RELB: variants seen among roughly 807,000 people sequenced by gnomAD.
The protein encoded by RELB is transcription factor RelB.
RELB carries 14 observed loss-of-function variants against 55.4 expected under a neutral mutation model. The observed-to-expected ratio is 0.25, with a 90% CI of 0.17 to 0.40. The LOEUF is 0.40. RELB is among the 10% of genes least tolerant of loss of function. The pLI is 1.00. For synonymous variants in RELB, 409 were observed against 371.3 expected (o/e 1.10, Z -1.17); for missense variants, 669 against 830.7 (o/e 0.81, Z 2.39).
At chr19:45,007,718 C>G (rs1971298910) in intron 2 of RELB, among the ~76,000 whole-genome samples, 1 of 151,758 alleles carries the variant, frequency 6.6e-6, no homozygotes, top group African/African-American at 2.4e-5. Flanking sequence ...ATTAGCCGGG[C>G]ATGGTGGTAC....
Position 45,037,667 on chromosome 19 carries a change from C to T in RELB, c.1617C>T (p.Tyr539=), listed in dbSNP as rs201705805. Residue 539 remains tyrosine (Y), a synonymous_variant, in exon 12 of 12, where the codon TAC becomes TAT. Coordinates refer to ENST00000221452, the MANE Select transcript of RELB (RefSeq NM_006509.4). ...CTGAACCACTGACACTGGACTCGTA[C>T]CAGGCCCCGGGCCCCGGGGATGGAG... The part of the protein sequence containing the change: ...PGPEPLTLDS[Y]QAPGPGDGGT... The T allele has an allele frequency of 2.5e-6, 4 of 1,578,726 alleles. No homozygotes were observed. The East Asian group carries it at 9.7e-5, about 38-fold the overall frequency.
rs1320079972 is a variant in RELB at position 45,001,733 on chromosome 19, A to G, written c.106+48A>G. Reference sequence around the variant, plus strand: ...AGAGGGGTCTGGGGCGGGGCTGGAGATGCGGGGATTCTGGCGGTCCCGGAG... The same window carrying G: ...AGAGGGGTCTGGGGCGGGGCTGGAGGTGCGGGGATTCTGGCGGTCCCGGAG... On this transcript the variant is annotated intron_variant, in intron 1 of 11. Transcript: ENST00000221452. 3.9e-6 allele frequency: 5 copies of G among 1,273,746 alleles called. No individual in the cohort carries two copies. In the South Asian group the frequency reaches 5.4e-5, roughly 14 times the overall value. 78.9% of individuals were successfully genotyped at this position (1,273,746 alleles called of 1,614,324 possible).
At chr19:45,032,504 G>C (rs778790281) in intron 8 of RELB, 30 bp from the exon 9 acceptor site, 6 of 1,571,284 alleles carry the variant, frequency 3.8e-6, no homozygotes, top group Non-Finnish European at 5.2e-6. Context: ...AGATGTCCTG[G>C]CTTAGCTGAT....
chr19:45,004,650 C>T (rs900543116), intron 2 of RELB, among the ~76,000 whole-genome samples: 1 of 150,840 alleles, frequency 6.6e-6, no homozygotes, highest in African/African-American at 2.4e-5. Context: ...GGCTCATCAC[C>T]TGAGGTCGGG....
intron 8 of RELB, among the ~76,000 whole-genome samples, chr19:45,029,220 T>C (rs1472947935): frequency 1.3e-5 from 2 of 152,180 alleles, no homozygotes; most frequent in African/African-American, 2.4e-5. Flanking sequence ...TCGTCTGTGG[T>C]GACCCATGCT....
At chr19:45,003,509 G>T (rs548470643) in intron 2 of RELB, 14 of 473,662 alleles carry the variant, frequency 3.0e-5, no homozygotes, top group South Asian at 2.1e-4. Flanking sequence ...AGCGTGACAG[G>T]TAAATCTTAC....
intron 2 of RELB, among the ~76,000 whole-genome samples, chr19:45,009,231 C>T (rs1272873995): frequency 1.3e-5 from 2 of 152,164 alleles, no homozygotes; most frequent in Non-Finnish European, 2.9e-5. Flanking sequence ...CAGGTGCCCA[C>T]CACGATACCC....
rs1275788865 is a variant in RELB, at chr19:45,034,481, A to G, written c.1307A>G (p.Lys436Arg). 3 of 1,611,258 alleles carry G rather than the reference A, an allele frequency of 1.9e-6. No individual in the cohort carries two copies. ...CATGGCATCGAGAGCAAACGGCGGAAGAAAAAGCCGGCCATCCTGGACCAC... is the reference window on the plus strand; with the variant it reads ...CATGGCATCGAGAGCAAACGGCGGAGGAAAAAGCCGGCCATCCTGGACCAC... ...DPHGIESKRR[K>R]KKPAILDHFL... Residue 436 changes from lysine to arginine, a missense_variant, in exon 11 of 12, where the codon AAG becomes AGG. Physicochemically the swap from Lys to Arg is conservative, Grantham distance 26. Coordinates refer to ENST00000221452, the MANE Select transcript of RELB (RefSeq NM_006509.4).
At chr19:45,024,328 A>AT (rs770436746) in intron 5 of RELB, among the ~76,000 whole-genome samples, 4 of 149,296 alleles carry the variant, frequency 2.7e-5, no homozygotes, top group Non-Finnish European at 5.9e-5. Context: ...TGCCTGGCTA[A>AT]TTTTTTTGTA....
chr19:45,025,594 C>T lies in RELB; in HGVS notation c.755-12C>T. On this transcript the variant is annotated splice_polypyrimidine_tract_variant and intron_variant, in intron 6 of 11. Transcript: ENST00000221452. ...CTTCCCACCCTCAGCCTCCCCATAT[C>T]TCCCCCGACAGCTGGGTCCCTGAAG... 2 of 1,613,814 alleles carry T rather than the reference C, an allele frequency of 1.2e-6. No individual in the cohort carries two copies. Among genetic ancestry groups the T allele is most frequent in the Non-Finnish European group, 1.7e-6 (2 of 1,179,824 alleles).
intron 7 of RELB, among the ~76,000 whole-genome samples, 187 bp downstream of exon 7, chr19:45,025,924 C>T (rs1222697753): frequency 6.6e-6 from 1 of 151,512 alleles, no homozygotes; most frequent in Non-Finnish European, 1.5e-5. Flanking sequence ...CTTGGCAAAA[C>T]CCTGTCTCTA....
intron 5 of RELB, among the ~76,000 whole-genome samples, chr19:45,024,126 C>G (rs560155394): frequency 6.6e-6 from 1 of 151,938 alleles, no homozygotes; most frequent in South Asian, 2.1e-4. Context: ...CAGGCGTGAG[C>G]CACCGCACCT....
At chr19:45,005,123 A>T (rs530704176) in intron 2 of RELB, among the ~76,000 whole-genome samples, 2 of 152,204 alleles carry the variant, frequency 1.3e-5, no homozygotes, top group Admixed American at 1.3e-4. Context: ...GTGAGCGGGG[A>T]TCGTGCCACT....
intron 2 of RELB, among the ~76,000 whole-genome samples, chr19:45,004,981 A>G (rs1434413173): frequency 1.3e-5 from 2 of 151,888 alleles, no homozygotes; most frequent in Non-Finnish European, 1.5e-5. Context: ...CAGCCTGGCC[A>G]ATATGTTGAA....
At chr19:45,035,561 C>T (rs956364994) in intron 11 of RELB, among the ~76,000 whole-genome samples, 3 of 151,148 alleles carry the variant, frequency 2.0e-5, no homozygotes, top group African/African-American at 7.4e-5. Flanking sequence ...GGCACTGTGG[C>T]TTACGCCTGT....
At chr19:45,009,739 C>T in intron 2 of RELB, 75 bp from the exon 3 acceptor site, 2 of 1,535,568 alleles carry the variant, frequency 1.3e-6, no homozygotes, top group Non-Finnish European at 1.8e-6. Flanking sequence ...GTTGGGGAAT[C>T]TGTCTTAAAA....
At chr19:45,023,251 C>T (rs981957612) in intron 5 of RELB, among the ~76,000 whole-genome samples, 1 of 152,144 alleles carries the variant, frequency 6.6e-6, no homozygotes, top group Admixed American at 6.6e-5. Context: ...ATGCAATTTA[C>T]AGACCCATCA....
intron 2 of RELB, chr19:45,008,704 G>T: frequency 2.8e-6 from 1 of 356,290 alleles, no homozygotes; most frequent in Non-Finnish European, 5.7e-6. Flanking sequence ...GAGGAGGACA[G>T]ATCTAGCAGC....
chr19:45,023,310 A>T (rs1184181227), intron 5 of RELB, among the ~76,000 whole-genome samples: 1 of 152,142 alleles, frequency 6.6e-6, no homozygotes, highest in Non-Finnish European at 1.5e-5. Context: ...AGCACCGAGT[A>T]TTATGAAACA....
Sources: gnomAD v4.1 joint callset for allele counts (sites outside exome capture counted in the v4.1 genomes callset) on GRCh38, gnomAD v4.1.1 for gene constraint, MANE v1.5 for transcripts, NCBI Gene and HGNC (gene_info 2026-07-23, HGNC 2026-07-21) for gene names.